Variants in SRGAP1 observed in about 807,000 individuals in gnomAD.
The protein encoded by SRGAP1 is SLIT-ROBO Rho GTPase activating protein 1.
A neutral mutation model predicts 121.9 loss-of-function variants in SRGAP1; 43 were observed. The observed-to-expected ratio is 0.35, with a 90% confidence interval of 0.28 to 0.46. The LOEUF is 0.46. Ranked by LOEUF, SRGAP1 falls within the 20% of genes least tolerant of loss-of-function variation. The probability of loss-of-function intolerance (pLI) is 1.00; values close to 1 mark genes in which losing one functional copy is unlikely to be tolerated. For synonymous variants in SRGAP1, 447 were observed against 485.4 expected, an observed-to-expected ratio of 0.92 and a Z score of 1.04; for missense variants, 1,102 against 1,350.9, an observed-to-expected ratio of 0.82 and a Z score of 2.89.
In SRGAP1 at chr12:64,160,008, T is replaced by C. The variant is rs778170761; in HGVS notation, c.*17336T>C. On this transcript the variant is annotated 3_prime_UTR_variant, in exon 22 of 22. Coordinates refer to ENST00000355086, the MANE Select transcript of SRGAP1 (RefSeq NM_020762.4). ...TTGCTTAGCTTTCTATTTACATAAA[T>C]AGGTAAAAATTCCTTCTCAAAAATC... 3.9e-5 allele frequency: 6 copies of C among 152,248 alleles called. No individual in the cohort carries two copies. The highest frequency in any genetic ancestry group is 1.2e-4 in the African/African-American group (5 of 41,460). The allele number at this position is 152,248 out of a possible 1,614,324, so 9.4% of individuals were successfully genotyped here.
intron 1 of SRGAP1, among the ~76,000 whole-genome samples, chr12:63,947,292 A>C (rs1372279366): frequency 6.6e-6 from 1 of 152,170 alleles, no homozygotes; most frequent in Non-Finnish European, 1.5e-5. Context: ...TTCATCACCA[A>C]CATTTGGTAT....
At chr12:63,863,058 T>C (rs1899507648) in intron 1 of SRGAP1, among the ~76,000 whole-genome samples, 1 of 152,150 alleles carries the variant, frequency 6.6e-6, no homozygotes. Context: ...TTTCTTTGGC[T>C]GTGACAAGTT....
intron 15 of SRGAP1, among the ~76,000 whole-genome samples, chr12:64,106,286 G>GTT (rs576329068): frequency 6.0e-4 from 92 of 152,248 alleles, no homozygotes; most frequent in African/African-American, 2.2e-3. Context: ...CTTTTGAAGA[G>GTT]TTTTTTCTTT....
intron 1 of SRGAP1, among the ~76,000 whole-genome samples, chr12:63,948,915 T>TATATATATTCCATATATATATTTTCC (rs2032153639): frequency 2.3e-4 from 14 of 60,950 alleles, no homozygotes; most frequent in African/African-American, 9.5e-4. Context: ...ATATTTTCCA[T>TATATATATTCCATATATATATTTTCC]ATATATATAT....
chr12:64,112,377 G>T (rs2036443547), intron 17 of SRGAP1, among the ~76,000 whole-genome samples: 1 of 152,050 alleles, frequency 6.6e-6, no homozygotes, highest in Admixed American at 6.6e-5. Flanking sequence ...TTTTAAAGGA[G>T]CCCTGTCAAC....
Position 64,032,555 on chromosome 12 carries a change from C to T in SRGAP1, c.490-10235C>T, listed in dbSNP as rs374415528. 1.9e-5 allele frequency: 20 copies of T among 1,068,010 alleles called. 1 individual carries two copies. The African/African-American group carries it at 2.0e-4, about 11-fold the overall frequency. The allele number at this position is 1,068,010 out of a possible 1,614,324, so 66.2% of individuals were successfully genotyped here. A position where few individuals can be genotyped will look rare whatever the true frequency, so the allele number is the denominator to read the frequency against. ...AGAGTGACCCAAGGCAGTGCCTTGA[C>T]CAGAGCCACGGACCTAGCTCTGCAC... On this transcript the variant is annotated intron_variant, in intron 4 of 21. Transcript: ENST00000355086.
At chr12:64,113,084 C>A (rs2036455743) in intron 17 of SRGAP1, among the ~76,000 whole-genome samples, 1 of 149,078 alleles carries the variant, frequency 6.7e-6, no homozygotes, top group Non-Finnish European at 1.5e-5. Context: ...CCAGCCTGAG[C>A]AACAAAACAA....
intron 4 of SRGAP1, among the ~76,000 whole-genome samples, chr12:64,027,843 CA>C (rs955240947): frequency 1.3e-4 from 20 of 151,558 alleles, no homozygotes; most frequent in African/African-American, 4.1e-4. Context: ...AACCACTTTT[CA>C]TTAAAAGAAA....
At chr12:64,107,092 T>C (rs1051037977) in intron 15 of SRGAP1, among the ~76,000 whole-genome samples, 4 of 152,210 alleles carry the variant, frequency 2.6e-5, no homozygotes, top group Non-Finnish European at 4.4e-5. Flanking sequence ...AGTGGTTTTT[T>C]CTCAGGAATC....
chr12:63,931,051 G>GA (rs1224336100), intron 1 of SRGAP1, among the ~76,000 whole-genome samples: 3 of 152,012 alleles, frequency 2.0e-5, no homozygotes, highest in African/African-American at 7.2e-5. Context: ...TTTTAAGTGA[G>GA]AAAAAATCCA....
rs750673794 is a variant in SRGAP1 at position 64,147,561 on chromosome 12, C to T, written c.*4889C>T. The T allele has an allele frequency of 6.3e-5, 25 of 399,014 alleles. 1 individual carries two copies. In the South Asian group the frequency reaches 1.0e-3, roughly 16 times the overall value. 24.7% of individuals were successfully genotyped at this position (399,014 alleles called of 1,614,324 possible). A position where few individuals can be genotyped will look rare whatever the true frequency, so the allele number is the denominator to read the frequency against. ...TCACCCCTGTGTCCTCCCATCCCACCGCATCAGTCCCCCGCTCATGTGCTG... is the reference window on the plus strand; with the variant it reads ...TCACCCCTGTGTCCTCCCATCCCACTGCATCAGTCCCCCGCTCATGTGCTG... On this transcript the variant is annotated 3_prime_UTR_variant, in exon 22 of 22. Coordinates refer to ENST00000355086, the MANE Select transcript of SRGAP1 (RefSeq NM_020762.4).
intron 11 of SRGAP1, among the ~76,000 whole-genome samples, chr12:64,089,875 C>T (rs568110196): frequency 3.2e-4 from 49 of 152,316 alleles, no homozygotes; most frequent in South Asian, 6.2e-4. Flanking sequence ...TGTTTCCATA[C>T]ATGATAGTGT....
At position 63,968,616 on chromosome 12, in the gene SRGAP1, T is replaced by G. The variant is rs145266691; in HGVS notation, c.68-15331T>G. ...CATGTGTAAGGCTCACAGGCAGGTC[T>G]TAAGTCTGTAAGTGGCTACCGTTTC... On this transcript the variant is annotated intron_variant, in intron 1 of 21. Coordinates refer to ENST00000355086, the MANE Select transcript of SRGAP1 (RefSeq NM_020762.4). 4.9e-3 allele frequency among the ~76,000 whole-genome samples: 742 copies of G among 152,348 alleles called. 6 individuals carry two copies. The highest frequency in any genetic ancestry group is 0.016 in the African/African-American group (681 of 41,574).
At chr12:63,854,983 A>G (rs145784920) in intron 1 of SRGAP1, among the ~76,000 whole-genome samples, 1 of 152,274 alleles carries the variant, frequency 6.6e-6, no homozygotes, top group African/African-American at 2.4e-5. Context: ...AACACTTAGC[A>G]TTGAGCAATG....
chr12:64,112,882 T>C (rs2036452555), intron 17 of SRGAP1, among the ~76,000 whole-genome samples: 1 of 151,890 alleles, frequency 6.6e-6, no homozygotes, highest in South Asian at 2.1e-4. Flanking sequence ...TACCAAAGGC[T>C]AGGAAGGGAA....
In SRGAP1 at chr12:64,079,093, G is replaced by A; in HGVS notation, c.1300G>A (p.Glu434Lys). Reference sequence around the variant, plus strand: ...CGCCAAGAGAAGAGCCAACCAGCAGGAAACTGAACAGTTCTACTTCATGGT... The same window carrying A: ...CGCCAAGAGAAGAGCCAACCAGCAGAAAACTGAACAGTTCTACTTCATGGT... ...SIAKRRANQQ[E>K]TEQFYFMKLR... The change falls in exon 9 of 22, where the codon GAA (glutamate) becomes AAA (lysine). Residue 434 changes from glutamate (E) to lysine (K), a missense_variant. Transcript: ENST00000355086. 6.2e-7 allele frequency: 1 copy of A among 1,612,972 alleles called. No homozygotes were observed. The highest frequency in any genetic ancestry group is 8.5e-7 in the Non-Finnish European group (1 of 1,179,938).
intron 21 of SRGAP1, among the ~76,000 whole-genome samples, chr12:64,139,001 T>C (rs1391411923): frequency 1.3e-5 from 2 of 152,192 alleles, no homozygotes; most frequent in Non-Finnish European, 2.9e-5. Flanking sequence ...ATCTAAAAAA[T>C]ATTTTATGTT....
chr12:63,865,015 C>G (rs999599666), intron 1 of SRGAP1, among the ~76,000 whole-genome samples: 2 of 152,014 alleles, frequency 1.3e-5, no homozygotes, highest in African/African-American at 4.8e-5. Context: ...CTTAATGGTT[C>G]AGAGTATTAC....
rs1266300361 is a variant in SRGAP1 at position 64,147,167 on chromosome 12, T to C, written c.*4495T>C. On this transcript the variant is annotated 3_prime_UTR_variant, in exon 22 of 22. Coordinates refer to ENST00000355086, the MANE Select transcript of SRGAP1 (RefSeq NM_020762.4). ...GTTTACCTACGTACTGAAGGGTAAC[T>C]GCTGCCCGCGTAATTAAATCAGTAT... 4 of 242,046 alleles carry C rather than the reference T, an allele frequency of 1.7e-5. No individual in the cohort carries two copies. In the East Asian group the frequency reaches 3.1e-4, roughly 19 times the overall value. 15.0% of individuals were successfully genotyped at this position (242,046 alleles called of 1,614,324 possible).
Sources: gnomAD v4.1 joint callset for allele counts (sites outside exome capture counted in the v4.1 genomes callset) on GRCh38, gnomAD v4.1.1 for gene constraint, MANE v1.5 for transcripts, NCBI Gene and HGNC (gene_info 2026-07-23, HGNC 2026-07-21) for gene names.